Variants in CACNA1D observed in about 807,000 individuals in gnomAD.
CACNA1D encodes calcium voltage-gated channel subunit alpha1 D, also known as voltage-dependent L-type calcium channel subunit alpha-1D.
A neutral mutation model predicts 257.1 loss-of-function variants in CACNA1D; 55 were observed. The observed-to-expected ratio is 0.21, with a 90% confidence interval of 0.17 to 0.27. The LOEUF (loss-of-function observed/expected upper bound fraction) is 0.27. Among genes scored for constraint, CACNA1D ranks in the 10% least tolerant of loss-of-function variants. The pLI is 1.00. For missense variants in CACNA1D, 1,876 were observed against 2,784.0 expected, an observed-to-expected ratio of 0.67 and a Z score of 7.34; for synonymous variants, 980 against 1,014.9, an observed-to-expected ratio of 0.97 and a Z score of 0.65.
chr3:53,700,672 G>C (rs193286160), intron 8 of CACNA1D, among the ~76,000 whole-genome samples: 1 of 152,208 alleles, frequency 6.6e-6, no homozygotes, highest in Admixed American at 6.5e-5. Context: ...CAGAGCACGT[G>C]TCTGGGCTCA....
intron 3 of CACNA1D, among the ~76,000 whole-genome samples, chr3:53,571,851 C>T (rs915991374): frequency 3.9e-5 from 6 of 152,192 alleles, no homozygotes; most frequent in Admixed American, 6.5e-5. Context: ...TGTTCTGCTT[C>T]GGTAGGACAG....
chr3:53,687,895 A>G (rs918721385), intron 8 of CACNA1D, among the ~76,000 whole-genome samples: 1 of 152,374 alleles, frequency 6.6e-6, no homozygotes, highest in South Asian at 2.1e-4. Flanking sequence ...AAACTGCTAC[A>G]TAGATAGTAC....
chr3:53,543,091 T>TA (rs202132960), intron 3 of CACNA1D, among the ~76,000 whole-genome samples: 2,264 of 95,994 alleles, frequency 0.024, 83 homozygotes, highest in South Asian at 0.19. Flanking sequence ...ATAATAAAAT[T>TA]AAAAAAAAAA....
rs59552754 is a variant in CACNA1D, at chr3:53,573,459, C to T, written c.483+71739C>T. 4.4e-3 allele frequency among the ~76,000 whole-genome samples: 668 copies of T among 152,288 alleles called. 43 individuals carry two copies. The East Asian group carries it at 0.11, about 25-fold the overall frequency. On this transcript the variant is annotated intron_variant, in intron 3 of 47. Transcript: ENST00000350061. ...TACTGGTATCTATGTGGCTGACTCTCATTTTCTTTAGATCTTTACTCAGAG... is the reference window on the plus strand; with the variant it reads ...TACTGGTATCTATGTGGCTGACTCTTATTTTCTTTAGATCTTTACTCAGAG...
rs1322054201 is a variant in CACNA1D, at chr3:53,494,793, C to T, written c.-374C>T. 1 of 154,436 alleles carries T rather than the reference C, an allele frequency of 6.5e-6. No individual in the cohort carries two copies. Among genetic ancestry groups the T allele is most frequent in the Non-Finnish European group, 1.4e-5 (1 of 70,322 alleles). 9.6% of individuals were successfully genotyped at this position (154,436 alleles called of 1,614,324 possible). On this transcript the variant is annotated 5_prime_UTR_variant, in exon 1 of 48. Transcript: ENST00000350061. ...CGGGCATGGGGGGAGCGCCGAGCGG[C>T]CCCGGCGGCCGGGCCGGCATCACCG...
chr3:53,640,534 A>G (rs564114072), intron 3 of CACNA1D, among the ~76,000 whole-genome samples: 1 of 152,222 alleles, frequency 6.6e-6, no homozygotes, highest in African/African-American at 2.4e-5. Context: ...TGGTACTGTG[A>G]GGGGATTCTG....
chr3:53,791,267 G>A (rs2095481459), intron 40 of CACNA1D: 3 of 522,166 alleles, frequency 5.7e-6, no homozygotes, highest in Admixed American at 6.7e-5. Context: ...TTCGTGAAAG[G>A]GAACGTACAA....
chr3:53,687,264 A>G (rs1323356224), intron 8 of CACNA1D, among the ~76,000 whole-genome samples: 3 of 152,132 alleles, frequency 2.0e-5, no homozygotes, highest in Non-Finnish European at 4.4e-5. Context: ...TTAGAAACTG[A>G]CAAGCTTATT....
chr3:53,712,623 T>C (rs555434199), intron 9 of CACNA1D, among the ~76,000 whole-genome samples: 1 of 152,150 alleles, frequency 6.6e-6, no homozygotes, highest in South Asian at 2.1e-4. Context: ...GAAAATAAGA[T>C]GAAAACATGA....
At chr3:53,580,322 C>G (rs888012045) in intron 3 of CACNA1D, among the ~76,000 whole-genome samples, 3 of 152,222 alleles carry the variant, frequency 2.0e-5, no homozygotes, top group Non-Finnish European at 1.5e-5. Flanking sequence ...TCTGGATGCT[C>G]GTGTTCCACT....
At chr3:53,684,093 G>A (rs1319477640) in intron 8 of CACNA1D, among the ~76,000 whole-genome samples, 1 of 152,174 alleles carries the variant, frequency 6.6e-6, no homozygotes, top group Non-Finnish European at 1.5e-5. Context: ...TTACTTGTTT[G>A]CAGATATAGT....
intron 7 of CACNA1D, among the ~76,000 whole-genome samples, chr3:53,669,429 G>A (rs903803845): frequency 6.6e-6 from 1 of 152,230 alleles, no homozygotes; most frequent in African/African-American, 2.4e-5. Context: ...GGGCATAAAG[G>A]GGACATCTTG....
intron 40 of CACNA1D, among the ~76,000 whole-genome samples, chr3:53,795,467 G>A (rs1248973979): frequency 6.6e-6 from 1 of 152,214 alleles, no homozygotes; most frequent in African/African-American, 2.4e-5. Context: ...GTCACAGGAA[G>A]AACAGGCTTA....
chr3:53,609,760 T>C (rs1298924289), intron 3 of CACNA1D, among the ~76,000 whole-genome samples: 2 of 152,220 alleles, frequency 1.3e-5, no homozygotes, highest in African/African-American at 2.4e-5. Context: ...ATTTTCAGTT[T>C]CATTTACTTT....
intron 9 of CACNA1D, among the ~76,000 whole-genome samples, chr3:53,711,282 G>A (rs2094752298): frequency 6.6e-6 from 1 of 152,212 alleles, no homozygotes; most frequent in Non-Finnish European, 1.5e-5. Context: ...AGACTTCAGG[G>A]ATGCAAAGAT....
At chr3:53,669,940 A>G (rs1457773794) in intron 7 of CACNA1D, among the ~76,000 whole-genome samples, 2 of 152,200 alleles carry the variant, frequency 1.3e-5, no homozygotes, top group Non-Finnish European at 2.9e-5. Flanking sequence ...TACATGATTT[A>G]ATTTTTCCCT....
intron 39 of CACNA1D, chr3:53,785,390 C>CACA (rs2095447281): frequency 6.6e-6 from 1 of 152,246 alleles, no homozygotes; most frequent in Non-Finnish European, 1.5e-5. Flanking sequence ...ACAGCCTTCT[C>CACA]ACACAGTAAC....
At chr3:53,784,842 G>C (rs1422740036) in intron 39 of CACNA1D, among the ~76,000 whole-genome samples, 1 of 152,210 alleles carries the variant, frequency 6.6e-6, no homozygotes. Context: ...AAGAAGCCCA[G>C]CAGCCAGTGT....
chr3:53,563,431 G>A (rs1423383266), intron 3 of CACNA1D, among the ~76,000 whole-genome samples: 2 of 151,578 alleles, frequency 1.3e-5, no homozygotes, highest in Non-Finnish European at 2.9e-5. Context: ...GGCTGAGGCA[G>A]GAGAATCACT....
Sources: allele counts gnomAD v4.1 joint callset (sites outside exome capture counted in the v4.1 genomes callset), GRCh38; gene constraint gnomAD v4.1.1; transcripts MANE v1.5; gene names NCBI Gene and HGNC (gene_info 2026-07-23, HGNC 2026-07-21).